Variants in KAT14 observed in about 807,000 individuals in gnomAD.
KAT14 encodes cysteine-rich protein 2-binding protein.
Under a neutral mutation model 78.4 loss-of-function variants are expected in KAT14, and 66 were observed. The observed-to-expected ratio is 0.84, with a 90% CI of 0.69 to 1.03. KAT14 has a LOEUF of 1.03. Among genes scored for constraint, KAT14 ranks in the 50% least tolerant of loss-of-function variants. The pLI, the probability that KAT14 is intolerant of heterozygous loss-of-function variation, is 0.00. For synonymous variants in KAT14, 344 were observed against 359.4 expected (o/e 0.96, Z 0.48); for missense variants, 870 against 972.5 (o/e 0.89, Z 1.40).
At chr20:18,166,665 G>GT (rs1420290518) in intron 7 of KAT14, among the ~76,000 whole-genome samples, 54 of 152,356 alleles carry the variant, frequency 3.5e-4, no homozygotes, top group Admixed American at 3.2e-3. Context: ...CAGCAGGGGT[G>GT]TTGGGATCTC....
chr20:18,137,549 A>G (rs1431813661), upstream of KAT14, among the ~76,000 whole-genome samples: 1 of 152,144 alleles, frequency 6.6e-6, no homozygotes. Flanking sequence ...AGGGGCTCAG[A>G]AGGGACGTCT....
Position 18,142,592 on chromosome 20 carries a change from C to G in KAT14, c.-69C>G. The stretch of plus-strand genomic sequence containing the variant: ...GTCTGGGTGATCCTGGTAGAAGCCC[C>G]ATTAGGGTCACTGTCCAGTGCTTAG... On this transcript the variant is annotated 5_prime_UTR_variant, in exon 2 of 11. Coordinates refer to ENST00000688188, the MANE Select transcript of KAT14 (RefSeq NM_001392073.1). 1 of 1,592,446 alleles carries G rather than the reference C, an allele frequency of 6.3e-7. No homozygotes were observed. The highest frequency in any genetic ancestry group is 8.6e-7 in the Non-Finnish European group (1 of 1,167,704).
intron 1 of KAT14, 115 bp downstream of exon 1, chr20:18,138,166 T>C (rs1448992973): frequency 1.5e-6 from 2 of 1,322,244 alleles, no homozygotes; most frequent in African/African-American, 3.1e-5. Context: ...TCCCCCGCGG[T>C]GGCGCGGCCC....
chr20:18,187,611 G>A lies in KAT14; in HGVS notation c.*152G>A, dbSNP rs2039490470. 1 of 1,330,658 alleles carries A rather than the reference G, an allele frequency of 7.5e-7. No individual in the cohort carries two copies. The highest frequency in any genetic ancestry group is 1.0e-6 in the Non-Finnish European group (1 of 994,280). 82.4% of individuals were successfully genotyped at this position (1,330,658 alleles called of 1,614,324 possible). A position where few individuals can be genotyped will look rare whatever the true frequency, so the allele number is the denominator to read the frequency against. On this transcript the variant is annotated 3_prime_UTR_variant, in exon 11 of 11. Transcript: ENST00000688188. Reference sequence around the variant, plus strand: ...ACCAAAGTGAGAAAAGCGGCATGCAGTGAAATGAGCAGTGAGCAGCCCTTT... The same window carrying A: ...ACCAAAGTGAGAAAAGCGGCATGCAATGAAATGAGCAGTGAGCAGCCCTTT...
intron 4 of KAT14, among the ~76,000 whole-genome samples, chr20:18,158,464 G>A (rs755013737): frequency 5.3e-5 from 8 of 152,144 alleles, no homozygotes; most frequent in East Asian, 1.9e-4. Flanking sequence ...AAGAATTTCC[G>A]TTAGGGAACC....
At chr20:18,150,417 T>G (rs955788604) in intron 3 of KAT14, among the ~76,000 whole-genome samples, 2 of 152,190 alleles carry the variant, frequency 1.3e-5, no homozygotes, top group African/African-American at 4.8e-5. Context: ...AAATGCTGGC[T>G]GGAGTAGGCA....
rs2037569317 is a variant in KAT14 at position 18,141,338 on chromosome 20, CATTT to C, written c.-453-865_-453-862del. Among the ~76,000 whole-genome samples, 3 of 152,140 alleles carry C rather than the reference CATTT, an allele frequency of 2.0e-5. No homozygotes were observed. In the South Asian group the frequency reaches 6.2e-4, roughly 32 times the overall value. ...TACTAAGGTAACTACCATTGATGAG[CATTT>C]ATTTTTTCCGCTGGTAGTAGCATCC... On this transcript the variant is annotated intron_variant, in intron 1 of 10. Transcript: ENST00000688188.
chr20:18,138,120 C>G (rs1192300255), intron 1 of KAT14, 69 bp downstream of exon 1: 5 of 1,393,418 alleles, frequency 3.6e-6, no homozygotes, highest in African/African-American at 3.0e-5. Context: ...CTCGTGGTCT[C>G]TGCCCGCTCG....
intron 7 of KAT14, among the ~76,000 whole-genome samples, chr20:18,176,722 CAG>C (rs759127383): frequency 1.7e-4 from 26 of 151,540 alleles, no homozygotes; most frequent in African/African-American, 4.1e-4. Context: ...ACTGGGGTGA[CAG>C]GGGCCAGATC....
chr20:18,175,011 G>A lies in KAT14; in HGVS notation c.1669-6699G>A, dbSNP rs375448480. ...ATGGGTCTTGATTTTTTTTTTCCCC[G>A]TGAGCTCATACCCCCTTAGTGTTTT... On this transcript the variant is annotated intron_variant, in intron 7 of 10. Transcript: ENST00000688188. Among the ~76,000 whole-genome samples the A allele has an allele frequency of 3.8e-4, 57 of 150,710 alleles. 1 individual carries two copies. The South Asian group carries it at 0.012, about 31-fold the overall frequency.
chr20:18,137,520 C>A (rs1319019493), upstream of KAT14, among the ~76,000 whole-genome samples: 1 of 152,142 alleles, frequency 6.6e-6, no homozygotes, highest in African/African-American at 2.4e-5. Context: ...CGGTATTGGG[C>A]GAAGCTTCTG....
At chr20:18,164,261 T>C (rs545975719) in intron 7 of KAT14, among the ~76,000 whole-genome samples, 1 of 152,182 alleles carries the variant, frequency 6.6e-6, no homozygotes, top group Non-Finnish European at 1.5e-5. Flanking sequence ...AAACTGACTC[T>C]CCCTGTCTTC....
chr20:18,151,065 C>G (rs919117694), intron 4 of KAT14, 123 bp downstream of exon 4: 1 of 1,333,012 alleles, frequency 7.5e-7, no homozygotes, highest in East Asian at 2.5e-5. Context: ...GATAGAGTCT[C>G]CCAGGCTGGA....
chr20:18,176,023 G>C (rs1374397644), intron 7 of KAT14, among the ~76,000 whole-genome samples: 12 of 122,798 alleles, frequency 9.8e-5, no homozygotes, highest in African/African-American at 3.6e-4. Flanking sequence ...AAAAAAAAAA[G>C]CCAGGTATGG....
chr20:18,163,568 G>A (rs1281386291), intron 7 of KAT14, among the ~76,000 whole-genome samples: 1 of 152,214 alleles, frequency 6.6e-6, no homozygotes, highest in Non-Finnish European at 1.5e-5. Context: ...TGGCTGTAAA[G>A]TGAAATCTTG....
chr20:18,145,084 C>T, intron 2 of KAT14, 149 bp from the exon 3 acceptor site: 3 of 1,413,584 alleles, frequency 2.1e-6, no homozygotes, highest in Non-Finnish European at 2.8e-6. Flanking sequence ...CTTTCTAATT[C>T]CCTTCCTTTT....
At position 18,161,902 on chromosome 20, in the gene KAT14, C is replaced by T. The variant is rs3828014; in HGVS notation, c.762C>T (p.Ala254=). 2.6e-5 allele frequency: 42 copies of T among 1,614,026 alleles called. No individual in the cohort carries two copies. The East Asian group carries it at 9.4e-4, about 36-fold the overall frequency. ...KRASRNPVES[A]MELKEKRSRT... is the part of the protein sequence containing the mutation. Reference sequence around the variant, plus strand: ...CAAGTCGGAATCCTGTGGAATCTGCCATGGAATTAAAAGAGAAAAGGTCTC... The same window carrying T: ...CAAGTCGGAATCCTGTGGAATCTGCTATGGAATTAAAAGAGAAAAGGTCTC... The change falls in exon 6 of 11, where the codon GCC becomes GCT. Residue 254 remains alanine (A), a synonymous_variant. Transcript: ENST00000688188.
intron 5 of KAT14, among the ~76,000 whole-genome samples, chr20:18,160,829 A>G (rs2146423081): frequency 6.6e-6 from 1 of 152,198 alleles, no homozygotes; most frequent in Admixed American, 6.5e-5. Flanking sequence ...TTCTACATCA[A>G]AGGGCATATT....
chr20:18,143,840 G>C (rs2037707076), intron 2 of KAT14, among the ~76,000 whole-genome samples: 1 of 151,858 alleles, frequency 6.6e-6, no homozygotes, highest in African/African-American at 2.4e-5. Flanking sequence ...ATGTTGGTCA[G>C]GCTGGTCTCA....
Sources: allele counts gnomAD v4.1 joint callset (sites outside exome capture counted in the v4.1 genomes callset), GRCh38; gene constraint gnomAD v4.1.1; transcripts MANE v1.5; gene names NCBI Gene and HGNC (gene_info 2026-07-23, HGNC 2026-07-21).